ZNF385D: variants seen among roughly 807,000 people sequenced by gnomAD.
ZNF385D encodes zinc finger protein 385D, also known as zinc finger protein 659.
Under a neutral mutation model 35.8 loss-of-function variants are expected in ZNF385D, and 15 were observed. That is an observed-to-expected ratio of 0.42 (90% confidence interval 0.28 to 0.64). ZNF385D has a LOEUF of 0.64. Ranked by LOEUF, ZNF385D falls within the 30% of genes least tolerant of loss-of-function variation. The pLI, the probability that ZNF385D is intolerant of heterozygous loss-of-function variation, is 0.23. For synonymous variants in ZNF385D, 212 were observed against 186.8 expected, an observed-to-expected ratio of 1.13 and a Z score of -1.10; for missense variants, 474 against 494.6, an observed-to-expected ratio of 0.96 and a Z score of 0.39.
chr3:22,347,863 A>C (rs1695729908), intron 2 of ZNF385D, among the ~76,000 whole-genome samples: 1 of 152,194 alleles, frequency 6.6e-6, no homozygotes, highest in Non-Finnish European at 1.5e-5. Flanking sequence ...TTCTTATTTC[A>C]GTAAACTCAC....
chr3:21,732,924 G>A (rs189471791), intron 1 of ZNF385D, among the ~76,000 whole-genome samples: 7 of 152,198 alleles, frequency 4.6e-5, no homozygotes, highest in South Asian at 4.1e-4. Flanking sequence ...TCCGTCTTTC[G>A]TGGATCATGG....
chr3:21,674,381 C>A (rs1045903648), intron 1 of ZNF385D, among the ~76,000 whole-genome samples: 2 of 152,008 alleles, frequency 1.3e-5, no homozygotes, highest in Non-Finnish European at 1.5e-5. Context: ...GAGTGGGACA[C>A]TATACATATG....
chr3:21,422,835 T>A (rs1053050247), intron 7 of ZNF385D, among the ~76,000 whole-genome samples: 1 of 151,976 alleles, frequency 6.6e-6, no homozygotes, highest in African/African-American at 2.4e-5. Flanking sequence ...AGGGAACACA[T>A]CTCAAAATAA....
chr3:22,097,663 T>C (rs1002398754), intron 3 of ZNF385D, among the ~76,000 whole-genome samples: 4 of 152,034 alleles, frequency 2.6e-5, no homozygotes, highest in Non-Finnish European at 5.9e-5. Flanking sequence ...GTGATTTTCA[T>C]AGGTCCATAC....
At chr3:21,739,809 T>C (rs2069424142) in intron 1 of ZNF385D, among the ~76,000 whole-genome samples, 1 of 152,218 alleles carries the variant, frequency 6.6e-6, no homozygotes, top group Admixed American at 6.5e-5. Context: ...GTCAGGTCTA[T>C]AAGCAGCAAT....
At chr3:21,526,968 G>C (rs1273977777) in intron 3 of ZNF385D, among the ~76,000 whole-genome samples, 5 of 151,838 alleles carry the variant, frequency 3.3e-5, no homozygotes, top group Admixed American at 6.6e-5. Flanking sequence ...ATTTAGAAAA[G>C]CACAAAGATG....
At chr3:21,436,311 A>G (rs1701548127) in intron 5 of ZNF385D, among the ~76,000 whole-genome samples, 1 of 152,148 alleles carries the variant, frequency 6.6e-6, no homozygotes, top group Non-Finnish European at 1.5e-5. Flanking sequence ...TTAGTGTTGA[A>G]GTCAGACAGA....
rs1249197040 is a variant in ZNF385D, at chr3:22,014,139, G to GT, written c.325+154677dup. 2.6e-5 allele frequency among the ~76,000 whole-genome samples: 4 copies of GT among 151,906 alleles called. No homozygotes were observed. The East Asian group carries it at 7.7e-4, about 29-fold the overall frequency. The stretch of plus-strand genomic sequence containing the variant: ...GCTATCATATGACTAAATATAGAAG[G>GT]TTTTAATATTTACAACAAAAAACCA... On this transcript the variant is annotated intron_variant, in intron 3 of 5. Coordinates refer to the ZNF385D transcript ENST00000494108.
At chr3:21,696,400 T>C (rs1575479230) in intron 1 of ZNF385D, among the ~76,000 whole-genome samples, 1 of 152,222 alleles carries the variant, frequency 6.6e-6, no homozygotes, top group African/African-American at 2.4e-5. Flanking sequence ...CTTACATACA[T>C]GTCACAGAGA....
intron 2 of ZNF385D, among the ~76,000 whole-genome samples, chr3:22,193,685 A>G (rs1330472618): frequency 1.3e-5 from 2 of 151,982 alleles, no homozygotes; most frequent in African/African-American, 4.8e-5. Context: ...TCAATATTCT[A>G]TTATATATTG....
At chr3:22,034,125 C>T (rs1271494827) in intron 3 of ZNF385D, among the ~76,000 whole-genome samples, 1 of 152,146 alleles carries the variant, frequency 6.6e-6, no homozygotes, top group Non-Finnish European at 1.5e-5. Flanking sequence ...GTGTTCCCCC[C>T]AAATTCATAC....
chr3:22,246,667 T>C (rs534828140), intron 2 of ZNF385D, among the ~76,000 whole-genome samples: 1 of 152,272 alleles, frequency 6.6e-6, no homozygotes, highest in African/African-American at 2.4e-5. Context: ...AAGTGTCTGT[T>C]TTTCTAATCT....
At chr3:21,708,844 G>A (rs62237452) in intron 1 of ZNF385D, among the ~76,000 whole-genome samples, 21,171 of 147,222 alleles carry the variant, frequency 0.14, 1,674 homozygotes, top group East Asian at 0.19. Flanking sequence ...TAAAGCATCC[G>A]AAGTGTGTGT....
chr3:22,047,163 T>C (rs994433608), intron 3 of ZNF385D, among the ~76,000 whole-genome samples: 7 of 152,162 alleles, frequency 4.6e-5, no homozygotes, highest in Admixed American at 3.3e-4. Flanking sequence ...CATGATGTTC[T>C]GAAATGTATA....
At chr3:21,543,569 A>G (rs2062260945) in intron 3 of ZNF385D, among the ~76,000 whole-genome samples, 1 of 151,928 alleles carries the variant, frequency 6.6e-6, no homozygotes, top group Admixed American at 6.6e-5. Flanking sequence ...CCCCTTCCCC[A>G]CCCAAGGGGT....
intron 3 of ZNF385D, among the ~76,000 whole-genome samples, chr3:22,036,321 G>A (rs1048517934): frequency 1.3e-5 from 2 of 152,234 alleles, no homozygotes; most frequent in Non-Finnish European, 2.9e-5. Flanking sequence ...AATGCAGACT[G>A]GTAGCTGTGA....
At chr3:21,662,769 A>T (rs1028088015) in intron 2 of ZNF385D, among the ~76,000 whole-genome samples, 3 of 152,218 alleles carry the variant, frequency 2.0e-5, no homozygotes, top group Non-Finnish European at 2.9e-5. Context: ...GTTAAAATCC[A>T]TGATGGAGGA....
intron 7 of ZNF385D, among the ~76,000 whole-genome samples, chr3:21,423,018 A>C (rs1351765325): frequency 6.6e-6 from 1 of 152,192 alleles, no homozygotes; most frequent in Non-Finnish European, 1.5e-5. Context: ...CATAAAGGGA[A>C]TCCACATAAG....
chr3:21,657,470 T>G (rs1178692827), intron 2 of ZNF385D, among the ~76,000 whole-genome samples: 1 of 151,950 alleles, frequency 6.6e-6, no homozygotes, highest in Non-Finnish European at 1.5e-5. Context: ...TGCTTAGATA[T>G]CTGCTTCAGT....
Sources: gnomAD v4.1 joint callset for allele counts (sites outside exome capture counted in the v4.1 genomes callset) on GRCh38, gnomAD v4.1.1 for gene constraint, MANE v1.5 for transcripts, NCBI Gene and HGNC (gene_info 2026-07-23, HGNC 2026-07-21) for gene names.